APLP2: variants seen among roughly 807,000 people sequenced by gnomAD.
The protein encoded by APLP2 is CDEI box-binding protein.
In APLP2, 53 loss-of-function variants were observed where a neutral mutation model predicts 89.9. The observed-to-expected ratio is 0.59, with a 90% confidence interval of 0.47 to 0.74. APLP2 has a LOEUF of 0.74. Ranked by LOEUF, APLP2 falls within the 30% of genes least tolerant of loss-of-function variation. The pLI is 0.00. For synonymous variants in APLP2, 372 were observed against 348.6 expected (o/e 1.07, Z -0.75); for missense variants, 973 against 975.9 (o/e 1.00, Z 0.04).
intron 1 of APLP2, chr11:130,100,385 C>A (rs1463329977): frequency 1.3e-5 from 2 of 152,098 alleles, no homozygotes; most frequent in South Asian, 2.1e-4. Flanking sequence ...AGAAAAAAAA[C>A]ACAGGGACTG....
chr11:130,111,904 C>T (rs930664415), intron 3 of APLP2, among the ~76,000 whole-genome samples: 1 of 152,292 alleles, frequency 6.6e-6, no homozygotes, highest in South Asian at 2.1e-4. Flanking sequence ...TGCTTGAAAT[C>T]GTTCCTTCTG....
chr11:130,070,331 C>T (rs1432975274), intron 1 of APLP2, among the ~76,000 whole-genome samples: 5 of 151,334 alleles, frequency 3.3e-5, no homozygotes, highest in African/African-American at 1.2e-4. Context: ...GGGCGGCCGT[C>T]CGCCTCGGCC....
At chr11:130,137,889 C>T (rs141880002) in intron 13 of APLP2, among the ~76,000 whole-genome samples, 1 of 152,344 alleles carries the variant, frequency 6.6e-6, no homozygotes, top group African/African-American at 2.4e-5. Flanking sequence ...CCGTAAAGCA[C>T]TATGTGGAAT....
At chr11:130,121,320 C>G (rs1234357891) in intron 4 of APLP2, among the ~76,000 whole-genome samples, 1 of 152,146 alleles carries the variant, frequency 6.6e-6, no homozygotes, top group African/African-American at 2.4e-5. Flanking sequence ...TAACATTGAC[C>G]ACCTTATCTG....
At chr11:130,094,370 G>T (rs1250418212) in intron 1 of APLP2, among the ~76,000 whole-genome samples, 2 of 152,048 alleles carry the variant, frequency 1.3e-5, no homozygotes, top group Non-Finnish European at 2.9e-5. Context: ...TGTATTTTTA[G>T]TAGAGATGAG....
chr11:130,100,828 T>C (rs1946811439), intron 1 of APLP2, among the ~76,000 whole-genome samples: 2 of 152,224 alleles, frequency 1.3e-5, no homozygotes, highest in African/African-American at 4.8e-5. Flanking sequence ...CTAATTAGAA[T>C]TAAGTTTAAA....
chr11:130,132,364 T>A (rs1227912986), intron 11 of APLP2, among the ~76,000 whole-genome samples: 1 of 152,246 alleles, frequency 6.6e-6, no homozygotes, highest in Non-Finnish European at 1.5e-5. Flanking sequence ...TTAGCTTTTT[T>A]TTTCATTTTG....
intron 1 of APLP2, among the ~76,000 whole-genome samples, chr11:130,103,885 G>A (rs1947278458): frequency 6.6e-6 from 1 of 152,142 alleles, no homozygotes; most frequent in African/African-American, 2.4e-5. Context: ...GGGAATCTAG[G>A]AAACACTGCT....
intron 1 of APLP2, among the ~76,000 whole-genome samples, chr11:130,096,957 T>A (rs1412415574): frequency 6.6e-6 from 1 of 152,234 alleles, no homozygotes; most frequent in Non-Finnish European, 1.5e-5. Flanking sequence ...TTCAGTTTTT[T>A]AAATTGTTGA....
intron 3 of APLP2, among the ~76,000 whole-genome samples, chr11:130,113,092 A>G (rs1948781648): frequency 6.6e-6 from 1 of 152,138 alleles, no homozygotes; most frequent in African/African-American, 2.4e-5. Flanking sequence ...ACACTGTACC[A>G]TGATTGTTCA....
chr11:130,125,967 G>A (rs1355004108), intron 7 of APLP2, among the ~76,000 whole-genome samples: 2 of 152,192 alleles, frequency 1.3e-5, no homozygotes, highest in Non-Finnish European at 2.9e-5. Context: ...CAATGGGCCT[G>A]TGCTCTGGGG....
intron 1 of APLP2, among the ~76,000 whole-genome samples, chr11:130,076,461 A>T (rs1165708549): frequency 6.6e-6 from 1 of 152,174 alleles, no homozygotes; most frequent in South Asian, 2.1e-4. Flanking sequence ...TAAAGTTTTA[A>T]GAAAAGAAGT....
chr11:130,090,608 G>A (rs1944819184), intron 1 of APLP2, among the ~76,000 whole-genome samples: 2 of 151,766 alleles, frequency 1.3e-5, no homozygotes, highest in Admixed American at 1.3e-4. Context: ...AGGATCCCAA[G>A]GCAGAGGAAT....
chr11:130,110,414 T>TG lies in APLP2; in HGVS notation c.280-122dup, dbSNP rs1490662997. The TG allele has an allele frequency of 2.6e-6, 3 of 1,175,124 alleles. No homozygotes were observed. In the African/African-American group the frequency reaches 4.7e-5, roughly 18 times the overall value. 72.8% of individuals were successfully genotyped at this position (1,175,124 alleles called of 1,614,324 possible). On this transcript the variant is annotated intron_variant, in intron 2 of 16. Coordinates refer to ENST00000338167, the MANE Select transcript of APLP2 (RefSeq NM_001142276.2). ...TCAGTTAGAGCCAGGGATAATGGAG[T>TG]GGAACTTTAGATGTATGTAGGATAA... is the stretch of plus-strand genomic sequence containing the variant.
rs117659098 is a variant in APLP2 at position 130,134,915 on chromosome 11, T to C, written c.1685-648T>C. 2.0e-4 allele frequency among the ~76,000 whole-genome samples: 30 copies of C among 152,328 alleles called. No homozygotes were observed. The East Asian group carries it at 5.4e-3, about 27-fold the overall frequency. ...AGAAGGAAATCCGGAGCTCTCTTGA[T>C]ACATGTTAAGATAGAAATTTCTGTT... On this transcript the variant is annotated intron_variant, in intron 12 of 16. Transcript: ENST00000338167.
chr11:130,110,533 A>T lies in APLP2; in HGVS notation c.280-5A>T. The T allele has an allele frequency of 6.2e-7, 1 of 1,611,888 alleles. No individual in the cohort carries two copies. Among genetic ancestry groups the T allele is most frequent in the East Asian group, 2.2e-5 (1 of 44,842 alleles). ...TTATTGTGTGTGTGTTTGTTTTCTT[A>T]ACAGATGTATCCAGAGCTACAGATC... On this transcript the variant is annotated splice_region_variant and splice_polypyrimidine_tract_variant and intron_variant, in intron 2 of 16. Coordinates refer to ENST00000338167, the MANE Select transcript of APLP2 (RefSeq NM_001142276.2).
At chr11:130,070,798 GA>G in intron 1 of APLP2, 1 of 1,325,644 alleles carries the variant, frequency 7.5e-7, no homozygotes, top group Non-Finnish European at 9.7e-7. Flanking sequence ...AGGTGCCCGC[GA>G]AGGCGTGTAA....
intron 1 of APLP2, among the ~76,000 whole-genome samples, chr11:130,106,979 G>T (rs751405386): frequency 1.3e-5 from 2 of 152,110 alleles, no homozygotes; most frequent in Non-Finnish European, 2.9e-5. Context: ...GAGCCACCGC[G>T]CCCGGCCCAG....
At chr11:130,091,746 G>T (rs1591780560) in intron 1 of APLP2, among the ~76,000 whole-genome samples, 1 of 146,160 alleles carries the variant, frequency 6.8e-6, no homozygotes, top group South Asian at 2.1e-4. Flanking sequence ...CCTCCCGGAC[G>T]GCACGGCTGG....
Sources: allele counts gnomAD v4.1 joint callset (sites outside exome capture counted in the v4.1 genomes callset), GRCh38; gene constraint gnomAD v4.1.1; transcripts MANE v1.5; gene names NCBI Gene and HGNC (gene_info 2026-07-23, HGNC 2026-07-21).